The following TAFA5 variants were observed in gnomAD, a reference collection of about 807,000 sequenced individuals.
The protein encoded by TAFA5 is chemokine-like protein TAFA-5.
A neutral mutation model predicts 15.3 loss-of-function variants in TAFA5; 6 were observed. That is an observed-to-expected ratio of 0.39 (90% confidence interval 0.21 to 0.77). The LOEUF (loss-of-function observed/expected upper bound fraction) is 0.77, where lower values mean the gene tolerates loss of function less well. TAFA5 is among the 30% of genes least tolerant of loss of function. The pLI, the probability that TAFA5 is intolerant of heterozygous loss-of-function variation, is 0.41. For synonymous variants in TAFA5, 103 were observed against 80.7 expected (o/e 1.28, Z -1.48); for missense variants, 161 against 193.1 (o/e 0.83, Z 0.98).
chr22:48,714,930 A>G (rs927763516), intron 3 of TAFA5, among the ~76,000 whole-genome samples: 2 of 152,140 alleles, frequency 1.3e-5, no homozygotes, highest in African/African-American at 4.8e-5. Context: ...ACAGCAGTCC[A>G]TTCTCTGCAT....
chr22:48,697,643 GTGA>G (rs530841936), intron 2 of TAFA5, among the ~76,000 whole-genome samples: 157 of 150,724 alleles, frequency 1.0e-3, no homozygotes, highest in Non-Finnish European at 1.6e-3. Flanking sequence ...GGTAGTGTTG[GTGA>G]TGATGGTAAT....
At chr22:48,746,992 G>T (rs573661482) in intron 3 of TAFA5, among the ~76,000 whole-genome samples, 1 of 152,344 alleles carries the variant, frequency 6.6e-6, no homozygotes, top group East Asian at 1.9e-4. Flanking sequence ...ATACCCTACA[G>T]AGTGGGCTCA....
chr22:48,648,579 G>A (rs898742809), intron 2 of TAFA5, among the ~76,000 whole-genome samples: 3 of 152,178 alleles, frequency 2.0e-5, no homozygotes, highest in Non-Finnish European at 2.9e-5. Flanking sequence ...AGTAGCTCAC[G>A]CCTGCAATCC....
At chr22:48,738,468 C>T (rs1171093442) in intron 3 of TAFA5, among the ~76,000 whole-genome samples, 1 of 152,124 alleles carries the variant, frequency 6.6e-6, no homozygotes, top group Non-Finnish European at 1.5e-5. Flanking sequence ...TCGAAGGCCA[C>T]GCCTGTGCTC....
chr22:48,515,381 G>T (rs1347118763), intron 1 of TAFA5, among the ~76,000 whole-genome samples: 2 of 152,228 alleles, frequency 1.3e-5, no homozygotes, highest in African/African-American at 4.8e-5. Flanking sequence ...GATCGCAGCT[G>T]TCTGTCCGCT....
chr22:48,689,923 T>TC (rs1199814562), intron 2 of TAFA5, among the ~76,000 whole-genome samples: 3 of 152,074 alleles, frequency 2.0e-5, no homozygotes, highest in Non-Finnish European at 4.4e-5. Context: ...CAGGAGCCAG[T>TC]CCCTCCAGGA....
chr22:48,607,410 G>T (rs1485906038), intron 1 of TAFA5, among the ~76,000 whole-genome samples: 1 of 129,734 alleles, frequency 7.7e-6, no homozygotes, highest in African/African-American at 3.1e-5. Context: ...CCTGGAGCAG[G>T]TCTATCCCGG....
rs1300517763 is a variant in TAFA5, at chr22:48,646,647, A to T, written c.163A>T (p.Ser55Cys). ...GATTGTGACCTTGGACCGGGACAGC[A>T]GCCAGCCTCGGAGGACGATCGCCCG... Reference protein sequence around the residue: ...CEIVTLDRDSSQPRRTIARQT... With the variant: ...CEIVTLDRDSCQPRRTIARQT... The change falls in exon 2 of 4, where the codon AGC (serine) becomes TGC (cysteine). Residue 55 changes from serine to cysteine, a missense_variant. Ser to Cys is a moderately radical substitution (Grantham distance 112, BLOSUM62 -1). Coordinates refer to ENST00000402357, the MANE Select transcript of TAFA5 (RefSeq NM_001082967.3). 2 of 1,612,474 alleles carry T rather than the reference A, an allele frequency of 1.2e-6. No individual in the cohort carries two copies. The highest frequency in any genetic ancestry group is 3.3e-5 in the Admixed American group (2 of 60,002).
At chr22:48,594,974 A>T (rs899295823) in intron 1 of TAFA5, among the ~76,000 whole-genome samples, 21 of 150,952 alleles carry the variant, frequency 1.4e-4, no homozygotes, top group African/African-American at 5.1e-4. Context: ...CCCCTGAGGG[A>T]ATTTGCAGAT....
chr22:48,742,904 C>CG lies in TAFA5; in HGVS notation c.391-6931dup, dbSNP rs1390618964. 6.6e-6 allele frequency among the ~76,000 whole-genome samples: 1 copy of CG among 152,146 alleles called. No individual in the cohort carries two copies. The highest frequency in any genetic ancestry group is 2.4e-5 in the African/African-American group (1 of 41,430). ...CTGCTGCCTCCATGCAGCCCACACG[C>CG]GGGGCCCCCACAGTGCGGACATGTT... On this transcript the variant is annotated intron_variant, in intron 3 of 3. Transcript: ENST00000402357. This position sits in a 1 kb window ranked among gnomAD's most constrained non-coding sequence, Gnocchi z 6.2.
At chr22:48,582,309 A>G (rs886223137) in intron 1 of TAFA5, among the ~76,000 whole-genome samples, 1 of 151,868 alleles carries the variant, frequency 6.6e-6, no homozygotes, top group Non-Finnish European at 1.5e-5. Context: ...CACACCCCAC[A>G]CGCAAAATAC....
At chr22:48,542,406 T>C (rs369701670) in intron 1 of TAFA5, among the ~76,000 whole-genome samples, 1 of 99,898 alleles carries the variant, frequency 1.0e-5, no homozygotes, top group African/African-American at 4.5e-5. Flanking sequence ...TGTGTGCGTG[T>C]GTGGCGTGTG....
intron 2 of TAFA5, among the ~76,000 whole-genome samples, chr22:48,690,268 G>T (rs983291301): frequency 1.3e-5 from 2 of 152,196 alleles, no homozygotes; most frequent in Non-Finnish European, 1.5e-5. Context: ...GGCCCAGGTG[G>T]TAACTGTGTG....
chr22:48,746,056 C>T (rs1601713543), intron 3 of TAFA5, among the ~76,000 whole-genome samples: 2 of 152,276 alleles, frequency 1.3e-5, no homozygotes, highest in Admixed American at 6.5e-5. Context: ...GTCCTTGTGT[C>T]CCTCACTGGG....
intron 1 of TAFA5, among the ~76,000 whole-genome samples, chr22:48,609,581 C>T (rs945828797): frequency 2.0e-5 from 3 of 152,222 alleles, no homozygotes; most frequent in South Asian, 2.1e-4. Context: ...GAACCCAGGA[C>T]GGGGCCGCCC....
intron 1 of TAFA5, among the ~76,000 whole-genome samples, chr22:48,499,374 G>A (rs1362442124): frequency 6.6e-6 from 1 of 152,160 alleles, no homozygotes; most frequent in Non-Finnish European, 1.5e-5. Flanking sequence ...GATTTTTGGA[G>A]ATTTCTGTGG....
intron 2 of TAFA5, among the ~76,000 whole-genome samples, chr22:48,697,441 A>G (rs2147243181): frequency 7.2e-6 from 1 of 139,648 alleles, no homozygotes; most frequent in South Asian, 2.7e-4. Flanking sequence ...GATGATGATG[A>G]GGATCAGGAT....
At chr22:48,675,266 G>A (rs183924371) in intron 2 of TAFA5, among the ~76,000 whole-genome samples, 3 of 152,304 alleles carry the variant, frequency 2.0e-5, no homozygotes, top group East Asian at 1.9e-4. Flanking sequence ...TTTTGTTTAC[G>A]TAAAGATCAA....
intron 1 of TAFA5, among the ~76,000 whole-genome samples, chr22:48,569,259 T>C (rs1478163297): frequency 6.6e-6 from 1 of 152,174 alleles, no homozygotes; most frequent in African/African-American, 2.4e-5. Flanking sequence ...ATACTCAGAC[T>C]AAAGCTCTAG....
Sources: gnomAD v4.1 joint callset for allele counts (sites outside exome capture counted in the v4.1 genomes callset) on GRCh38, gnomAD v4.1.1 for gene constraint, Gnocchi (gnomAD v3.1) non-coding constraint, MANE v1.5 for transcripts, NCBI Gene and HGNC (gene_info 2026-07-23, HGNC 2026-07-21) for gene names.